CDKAL1: variants seen among roughly 807,000 people sequenced by gnomAD.
The protein encoded by CDKAL1 is threonylcarbamoyladenosine tRNA methylthiotransferase.
Under a neutral mutation model 68.2 loss-of-function variants are expected in CDKAL1, and 32 were observed. The observed-to-expected ratio is 0.47, with a 90% CI of 0.35 to 0.63. CDKAL1 has a LOEUF of 0.63. Ranked by LOEUF, CDKAL1 falls within the 30% of genes least tolerant of loss-of-function variation. The pLI is 0.00. For synonymous variants in CDKAL1, 234 were observed against 244.3 expected (o/e 0.96, Z 0.39); for missense variants, 606 against 696.7 (o/e 0.87, Z 1.47).
chr6:20,897,421 C>T (rs78842600), intron 9 of CDKAL1, among the ~76,000 whole-genome samples: 2,459 of 151,910 alleles, frequency 0.016, 61 homozygotes, highest in African/African-American at 0.056. Context: ...AGAGGCCTCC[C>T]AATCCTGCCG....
chr6:21,187,790 A>C (rs1441833631), intron 13 of CDKAL1, among the ~76,000 whole-genome samples: 1 of 152,160 alleles, frequency 6.6e-6, no homozygotes, highest in African/African-American at 2.4e-5. Context: ...TTGTGTCGTC[A>C]GTGAAACAAA....
chr6:21,012,018 T>A (rs186404538), intron 11 of CDKAL1, among the ~76,000 whole-genome samples: 2 of 152,310 alleles, frequency 1.3e-5, no homozygotes, highest in African/African-American at 4.8e-5. Flanking sequence ...GGCTCCAGCA[T>A]GTCAGAGATG....
intron 15 of CDKAL1, among the ~76,000 whole-genome samples, chr6:21,216,036 G>A (rs1474342272): frequency 1.3e-5 from 2 of 152,122 alleles, no homozygotes; most frequent in African/African-American, 2.4e-5. Context: ...TGCTGACTTC[G>A]AAGATGGAAG....
chr6:20,674,396 C>T (rs866356840), intron 5 of CDKAL1, among the ~76,000 whole-genome samples: 17 of 152,264 alleles, frequency 1.1e-4, no homozygotes, highest in Middle Eastern at 3.4e-3. Flanking sequence ...TCTATTTTGT[C>T]ATGTTAAGAA....
At chr6:20,603,768 A>ATTTTT (rs745786047) in intron 4 of CDKAL1, among the ~76,000 whole-genome samples, 9,644 of 85,160 alleles carry the variant, frequency 0.11, 1,633 homozygotes, top group East Asian at 0.26. Context: ...CAGTTGCTAA[A>ATTTTT]TTTTTTTTTT....
intron 4 of CDKAL1, among the ~76,000 whole-genome samples, chr6:20,556,583 C>G (rs939268345): frequency 1.3e-5 from 2 of 152,180 alleles, no homozygotes; most frequent in African/African-American, 4.8e-5. Context: ...ACTCTTTAAT[C>G]TAGCTTTCTT....
chr6:20,693,034 G>A (rs1233082484), intron 5 of CDKAL1, among the ~76,000 whole-genome samples: 1 of 150,952 alleles, frequency 6.6e-6, no homozygotes, highest in African/African-American at 2.4e-5. Context: ...GGAGGCTGAG[G>A]CAGGAGAATG....
At chr6:21,184,924 C>G (rs2151090263) in intron 13 of CDKAL1, among the ~76,000 whole-genome samples, 2 of 150,574 alleles carry the variant, frequency 1.3e-5, no homozygotes, top group South Asian at 4.2e-4. Flanking sequence ...ACCTCAACCT[C>G]CCAAAGTGCT....
chr6:20,993,442 C>T (rs929271281), intron 10 of CDKAL1: 3 of 151,912 alleles, frequency 2.0e-5, no homozygotes, highest in Admixed American at 6.6e-5. Context: ...TCTGTTTGAT[C>T]GCTATTGGTG....
At chr6:20,758,998 A>G (rs1462138318) in intron 7 of CDKAL1, among the ~76,000 whole-genome samples, 1 of 152,020 alleles carries the variant, frequency 6.6e-6, no homozygotes, top group African/African-American at 2.4e-5. Flanking sequence ...AGTCAGCTTG[A>G]TGCTGTGGTG....
chr6:21,198,583 G>GT (rs1255633411), intron 14 of CDKAL1, among the ~76,000 whole-genome samples: 1 of 152,142 alleles, frequency 6.6e-6, no homozygotes, highest in Non-Finnish European at 1.5e-5. Context: ...TTTAGCATCT[G>GT]TTTTTTTAAC....
At chr6:20,699,089 T>C (rs890384846) in intron 5 of CDKAL1, among the ~76,000 whole-genome samples, 1 of 152,180 alleles carries the variant, frequency 6.6e-6, no homozygotes, top group Non-Finnish European at 1.5e-5. Flanking sequence ...ATATTTTTCT[T>C]GACCTGTGTT....
At chr6:21,148,778 T>G (rs1776286374) in intron 13 of CDKAL1, among the ~76,000 whole-genome samples, 1 of 152,090 alleles carries the variant, frequency 6.6e-6, no homozygotes, top group Non-Finnish European at 1.5e-5. Flanking sequence ...TAATAAAATT[T>G]TGTTTCAGGG....
chr6:20,792,400 T>C (rs1293406614), intron 8 of CDKAL1, among the ~76,000 whole-genome samples: 7 of 152,208 alleles, frequency 4.6e-5, no homozygotes, highest in Non-Finnish European at 7.4e-5. Flanking sequence ...TATATTTTTG[T>C]GGTTCTTTTT....
intron 5 of CDKAL1, among the ~76,000 whole-genome samples, chr6:20,690,422 A>G (rs1770818566): frequency 6.6e-6 from 1 of 152,166 alleles, no homozygotes; most frequent in Non-Finnish European, 1.5e-5. Context: ...CGGTCACAGA[A>G]TGAGCATTTT....
At chr6:21,004,093 A>T (rs911923999) in intron 11 of CDKAL1, among the ~76,000 whole-genome samples, 7 of 152,178 alleles carry the variant, frequency 4.6e-5, no homozygotes, top group African/African-American at 1.7e-4. Flanking sequence ...TTCCTTAAAA[A>T]ATCCATTTTT....
intron 4 of CDKAL1, among the ~76,000 whole-genome samples, chr6:20,585,404 C>T (rs954959445): frequency 2.6e-5 from 4 of 152,094 alleles, no homozygotes; most frequent in South Asian, 2.1e-4. Context: ...CCTGATACCA[C>T]GTTCTTCCTC....
chr6:20,883,418 G>T (rs1760917277), intron 9 of CDKAL1, among the ~76,000 whole-genome samples: 1 of 152,180 alleles, frequency 6.6e-6, no homozygotes, highest in Admixed American at 6.5e-5. Flanking sequence ...ACCTTGTGTT[G>T]TTCCCTCCCC....
intron 9 of CDKAL1, among the ~76,000 whole-genome samples, chr6:20,921,326 G>A (rs955401250): frequency 2.0e-5 from 3 of 152,150 alleles, no homozygotes; most frequent in African/African-American, 7.2e-5. Flanking sequence ...CTACTCTGGA[G>A]GCTGAGGCAG....
Sources: gnomAD v4.1 joint callset for allele counts (sites outside exome capture counted in the v4.1 genomes callset) on GRCh38, gnomAD v4.1.1 for gene constraint, MANE v1.5 for transcripts, NCBI Gene and HGNC (gene_info 2026-07-23, HGNC 2026-07-21) for gene names.